ANKRD30B: variants seen among roughly 807,000 people sequenced by gnomAD.
ANKRD30B encodes the protein ankyrin repeat domain-containing protein 30B.
Under a neutral mutation model 202.2 loss-of-function variants are expected in ANKRD30B, and 144 were observed. That is an observed-to-expected ratio of 0.71 (90% CI 0.62 to 0.82). ANKRD30B has a LOEUF of 0.82. Ranked by LOEUF, ANKRD30B falls within the 40% of genes least tolerant of loss-of-function variation. The pLI is 0.00. For missense variants in ANKRD30B, 1,487 were observed against 1,669.1 expected, an observed-to-expected ratio of 0.89 and a Z score of 1.90; for synonymous variants, 508 against 561.3, an observed-to-expected ratio of 0.91 and a Z score of 1.34.
chr18:14,809,493 G>C (rs746158077), intron 26 of ANKRD30B, among the ~76,000 whole-genome samples: 1 of 150,812 alleles, frequency 6.6e-6, no homozygotes, highest in Non-Finnish European at 1.5e-5. Context: ...GCCATGGCGA[G>C]ATGAGGGCGT....
the ANKRD30B span, among the ~76,000 whole-genome samples, chr18:14,940,193 G>A: frequency 6.6e-6 from 1 of 152,196 alleles, no homozygotes; most frequent in East Asian, 1.9e-4. Flanking sequence ...TCCCAGCTGA[G>A]CTCCAGGACT....
At chr18:14,853,484 C>T (rs1338642126) in intron 42 of ANKRD30B, among the ~76,000 whole-genome samples, 1 of 150,588 alleles carries the variant, frequency 6.6e-6, no homozygotes, top group African/African-American at 2.4e-5. Context: ...GCTTCTAATA[C>T]AGAAGAAGGA....
intron 26 of ANKRD30B, among the ~76,000 whole-genome samples, chr18:14,809,353 A>G (rs898972911): frequency 1.3e-5 from 2 of 151,052 alleles, no homozygotes; most frequent in Non-Finnish European, 1.5e-5. Flanking sequence ...CAAGATATTA[A>G]TCAGCAGTAA....
intron 9 of ANKRD30B, among the ~76,000 whole-genome samples, chr18:14,776,562 T>C (rs983117781): frequency 1.3e-5 from 2 of 152,208 alleles, no homozygotes; most frequent in Non-Finnish European, 2.9e-5. Context: ...TCTTAACAAC[T>C]TAGAATGACT....
the ANKRD30B span, among the ~76,000 whole-genome samples, chr18:14,883,228 C>T: frequency 6.6e-6 from 1 of 151,868 alleles, no homozygotes; most frequent in African/African-American, 2.4e-5. Context: ...TACAGAGGCA[C>T]ATTAGAATCT....
chr18:14,818,823 C>T (rs1465469614), intron 30 of ANKRD30B, among the ~76,000 whole-genome samples: 4 of 151,962 alleles, frequency 2.6e-5, no homozygotes, highest in South Asian at 2.1e-4. Context: ...AATAAACATA[C>T]GTGTGCATGT....
chr18:14,792,585 A>G (rs1226537410), intron 16 of ANKRD30B, among the ~76,000 whole-genome samples: 1 of 151,946 alleles, frequency 6.6e-6, no homozygotes, highest in Non-Finnish European at 1.5e-5. Flanking sequence ...AAATGGAGTG[A>G]ATTCACTTCG....
chr18:14,750,323 A>G (rs897574400), intron 1 of ANKRD30B, among the ~76,000 whole-genome samples: 5 of 152,192 alleles, frequency 3.3e-5, no homozygotes, highest in African/African-American at 1.2e-4. Flanking sequence ...CCTCTAATTT[A>G]AAACTGGGCA....
the ANKRD30B span, among the ~76,000 whole-genome samples, chr18:14,889,160 T>C: frequency 6.6e-6 from 1 of 151,664 alleles, no homozygotes; most frequent in Non-Finnish European, 1.5e-5. Context: ...TGGAAGTTCA[T>C]GTCAACTATT....
At chr18:14,916,958 G>A in the ANKRD30B span, among the ~76,000 whole-genome samples, 11 of 152,248 alleles carry the variant, frequency 7.2e-5, no homozygotes, top group South Asian at 2.1e-4. Context: ...CTTAAATGTC[G>A]GTCATCAGTC....
At chr18:14,894,048 A>G in the ANKRD30B span, among the ~76,000 whole-genome samples, 1 of 152,156 alleles carries the variant, frequency 6.6e-6, no homozygotes, top group African/African-American at 2.4e-5. Flanking sequence ...TAGCCTTGCC[A>G]GCAATATTGT....
the ANKRD30B span, among the ~76,000 whole-genome samples, chr18:14,919,161 A>C: frequency 6.6e-6 from 1 of 152,176 alleles, no homozygotes; most frequent in African/African-American, 2.4e-5. Flanking sequence ...ATTGCCCACT[A>C]GGTTATAAGG....
intron 26 of ANKRD30B, among the ~76,000 whole-genome samples, chr18:14,809,724 A>G (rs1598656255): frequency 6.6e-6 from 1 of 151,080 alleles, no homozygotes; most frequent in Non-Finnish European, 1.5e-5. Flanking sequence ...CCAACCTGGC[A>G]TTGTCTTTAC....
Position 14,791,494 on chromosome 18 carries a change from A to T in ANKRD30B, c.1825+3A>T. 6.2e-7 allele frequency: 1 copy of T among 1,601,918 alleles called. No individual in the cohort carries two copies. The highest frequency in any genetic ancestry group is 8.5e-7 in the Non-Finnish European group (1 of 1,174,430). On this transcript the variant is annotated splice_donor_region_variant and intron_variant, in intron 16 of 43. Coordinates refer to ENST00000690538, the MANE Select transcript of ANKRD30B (RefSeq NM_001367607.2). ...TACCTTAAGTGGAAAATTAGAAGGT[A>T]AGAACCATTTTTTAATTAAAAAGTC...
At chr18:14,910,529 G>A in the ANKRD30B span, among the ~76,000 whole-genome samples, 1 of 150,506 alleles carries the variant, frequency 6.6e-6, no homozygotes, top group East Asian at 1.9e-4. Flanking sequence ...GCCCTCCATT[G>A]ATGGACATGT....
chr18:14,779,823 G>A, intron 10 of ANKRD30B, 137 bp from the exon 11 acceptor site: 1 of 563,028 alleles, frequency 1.8e-6, no homozygotes. Flanking sequence ...CTATAGAAGT[G>A]GTGGTTGTTA....
chr18:14,791,266 G>A (rs538131915), intron 15 of ANKRD30B, 135 bp from the exon 16 acceptor site: 44 of 663,604 alleles, frequency 6.6e-5, no homozygotes, highest in Middle Eastern at 8.5e-4. Context: ...TTTTCTATAC[G>A]TGTGTACTCT....
the ANKRD30B span, among the ~76,000 whole-genome samples, chr18:14,878,251 C>T: frequency 1.3e-5 from 2 of 152,128 alleles, no homozygotes; most frequent in African/African-American, 2.4e-5. Flanking sequence ...ACATGACGTC[C>T]ATATGGAAAT....
At chr18:14,753,585 A>G (rs1475290666) in intron 3 of ANKRD30B, among the ~76,000 whole-genome samples, 3 of 152,194 alleles carry the variant, frequency 2.0e-5, no homozygotes, top group Non-Finnish European at 4.4e-5. Flanking sequence ...GTTTCAAGGT[A>G]TTCAAGACAG....
Sources: gnomAD v4.1 joint callset for allele counts (sites outside exome capture counted in the v4.1 genomes callset) on GRCh38, gnomAD v4.1.1 for gene constraint, MANE v1.5 for transcripts, NCBI Gene and HGNC (gene_info 2026-07-23, HGNC 2026-07-21) for gene names.